Variants in GEMIN7 observed in about 807,000 individuals in gnomAD.
GEMIN7 encodes gem nuclear organelle associated protein 7.
GEMIN7 carries 7 observed loss-of-function variants against 7.8 expected under a neutral mutation model. The ratio of observed to expected loss-of-function variants is 0.90; its 90% CI spans 0.51 to 1.69. GEMIN7 has a LOEUF of 1.69. GEMIN7 is among the 40% of genes most tolerant of loss of function. The pLI, the probability that GEMIN7 is intolerant of heterozygous loss-of-function variation, is 0.00. For missense variants in GEMIN7, 159 were observed against 176.2 expected (o/e 0.90, Z 0.55); for synonymous variants, 68 against 72.4 (o/e 0.94, Z 0.31).
upstream of GEMIN7, among the ~76,000 whole-genome samples, chr19:45,078,610 A>G (rs567691293): frequency 2.6e-4 from 40 of 152,138 alleles, no homozygotes; most frequent in Non-Finnish European, 4.7e-4. Context: ...TATTCTTTCA[A>G]CAGATATTTG....
chr19:45,084,810 C>T (rs910322738), intron 2 of GEMIN7, among the ~76,000 whole-genome samples: 1 of 152,228 alleles, frequency 6.6e-6, no homozygotes, highest in African/African-American at 2.4e-5. Context: ...GGCTGGAGCG[C>T]AATGGCGCAG....
chr19:45,080,553 A>G (rs969608930), intron 2 of GEMIN7, among the ~76,000 whole-genome samples: 3 of 151,418 alleles, frequency 2.0e-5, no homozygotes, highest in Non-Finnish European at 4.4e-5. Flanking sequence ...TTTTTTTTGT[A>G]TTTTTAGTAG....
At chr19:45,090,022 C>A (rs903177254) in intron 2 of GEMIN7, 85 bp from the exon 3 acceptor site, 8 of 1,413,100 alleles carry the variant, frequency 5.7e-6, no homozygotes, top group Non-Finnish European at 6.8e-6. Flanking sequence ...GCCTGGTAGA[C>A]CAGCCTCTGC....
At position 45,090,289 on chromosome 19, in the gene GEMIN7, C is replaced by CGA. The variant is rs1568434444; in HGVS notation, c.177_178dup (p.Ala60GlufsTer20). 6.2e-7 allele frequency: 1 copy of CGA among 1,614,150 alleles called. No individual in the cohort carries two copies. The highest frequency in any genetic ancestry group is 8.5e-7 in the Non-Finnish European group (1 of 1,180,032). On this transcript the variant is annotated frameshift_variant, in exon 3 of 3. Transcript: ENST00000270257. LOFTEE classifies it high-confidence loss of function. ...CCTGGAATCCCAGGAGCAGCGGGCA[C>CGA]GAGCCGCCCTTCGGGAGCGTTACCT...
chr19:45,086,132 G>A (rs1015635194), intron 2 of GEMIN7, among the ~76,000 whole-genome samples: 2 of 151,602 alleles, frequency 1.3e-5, no homozygotes, highest in South Asian at 4.2e-4. Context: ...CTCCCAAAGT[G>A]CTGGTATTAC....
At chr19:45,081,857 A>G (rs1275481747) in intron 2 of GEMIN7, among the ~76,000 whole-genome samples, 3 of 152,042 alleles carry the variant, frequency 2.0e-5, no homozygotes, top group East Asian at 3.9e-4. Flanking sequence ...TCCTGACCTC[A>G]GGCGATCTAC....
In GEMIN7 at chr19:45,090,550, G is replaced by A; in HGVS notation, c.*40G>A. 1 of 1,560,198 alleles carries A rather than the reference G, an allele frequency of 6.4e-7. No individual in the cohort carries two copies. Among genetic ancestry groups the A allele is most frequent in the South Asian group, 1.2e-5 (1 of 84,602 alleles). ...CTTTTCTGCTTGAGGCTAAGGCACT[G>A]TATCCCAGGCCTCCCAATGTTCCCG... is the stretch of plus-strand genomic sequence containing the variant. On this transcript the variant is annotated 3_prime_UTR_variant, in exon 3 of 3. Coordinates refer to ENST00000270257, the MANE Select transcript of GEMIN7 (RefSeq NM_024707.3).
At chr19:45,090,035 C>A in intron 2 of GEMIN7, 72 bp from the exon 3 acceptor site, 1 of 1,476,934 alleles carries the variant, frequency 6.8e-7, no homozygotes, top group Non-Finnish European at 9.2e-7. Flanking sequence ...GCCTCTGCTT[C>A]CACTCCTCCC....
upstream of GEMIN7, chr19:45,075,878 G>C (rs111547453): frequency 1.2e-6 from 2 of 1,613,308 alleles, no homozygotes; most frequent in African/African-American, 1.3e-5. Flanking sequence ...GGGAGGAAGC[G>C]GGTGGTGAGC....
At chr19:45,080,406 C>G (rs1967459928) in intron 2 of GEMIN7, among the ~76,000 whole-genome samples, 1 of 148,568 alleles carries the variant, frequency 6.7e-6, no homozygotes, top group Non-Finnish European at 1.5e-5. Flanking sequence ...AACAGAGTCT[C>G]ACTCTGTGGC....
At chr19:45,076,308 G>A, upstream of GEMIN7, 1 of 1,433,114 alleles carries the variant, frequency 7.0e-7, no homozygotes, top group Non-Finnish European at 9.2e-7. This position sits in a 1 kb window ranked among gnomAD's most constrained non-coding sequence, Gnocchi z 4.9. Context: ...CCATCTCGTC[G>A]TCTGGGTTGG....
At chr19:45,075,830 G>T, upstream of GEMIN7, 1 of 1,614,156 alleles carries the variant, frequency 6.2e-7, no homozygotes, top group Admixed American at 1.7e-5. Flanking sequence ...CAGGTCAACA[G>T]ATCTGGGTGT....
At chr19:45,080,886 AGT>A (rs1187080931) in intron 2 of GEMIN7, among the ~76,000 whole-genome samples, 3 of 149,334 alleles carry the variant, frequency 2.0e-5, no homozygotes, top group East Asian at 3.9e-4. Context: ...TAAGTCATTT[AGT>A]AAGTACTCAC....
At chr19:45,081,730 G>A (rs968356889) in intron 2 of GEMIN7, among the ~76,000 whole-genome samples, 18 of 151,922 alleles carry the variant, frequency 1.2e-4, no homozygotes, top group African/African-American at 3.9e-4. Context: ...GGGTTCAAGC[G>A]ATTCTTCTGC....
At chr19:45,087,693 G>C (rs1448773571) in intron 2 of GEMIN7, among the ~76,000 whole-genome samples, 1 of 152,134 alleles carries the variant, frequency 6.6e-6, no homozygotes, top group Non-Finnish European at 1.5e-5. Flanking sequence ...GCAGGATCCA[G>C]AGCTAAGACA....
chr19:45,084,836 A>C (rs1248005894), intron 2 of GEMIN7, among the ~76,000 whole-genome samples: 1 of 152,170 alleles, frequency 6.6e-6, no homozygotes, highest in Non-Finnish European at 1.5e-5. Context: ...GCTCACCACA[A>C]CCTCTGCCTC....
At chr19:45,087,660 C>T (rs1200970445) in intron 2 of GEMIN7, among the ~76,000 whole-genome samples, 2 of 152,146 alleles carry the variant, frequency 1.3e-5, no homozygotes, top group Non-Finnish European at 2.9e-5. Context: ...GGAGAGCAAG[C>T]GTGGTACACC....
chr19:45,079,609 A>G (rs1313382098), intron 1 of GEMIN7, among the ~76,000 whole-genome samples: 2 of 152,196 alleles, frequency 1.3e-5, no homozygotes, highest in African/African-American at 4.8e-5. Flanking sequence ...GCTCAGTCTG[A>G]GCCTGGAGGT....
chr19:45,090,249 C>G lies in GEMIN7; in HGVS notation c.135C>G (p.Pro45=). 2 of 1,614,220 alleles carry G rather than the reference C, an allele frequency of 1.2e-6. No individual in the cohort carries two copies. The highest frequency in any genetic ancestry group is 4.5e-5 in the East Asian group (2 of 44,888). ...RPEVPEIQEC[P]IAQESLESQE... The stretch of plus-strand genomic sequence containing the variant: ...AGGTTCCTGAAATCCAGGAGTGTCC[C>G]ATAGCTCAAGAATCCCTGGAATCCC... Residue 45 remains proline (P), a synonymous_variant, in exon 3 of 3, where the codon CCC becomes CCG. Coordinates refer to ENST00000270257, the MANE Select transcript of GEMIN7 (RefSeq NM_024707.3).
Sources: allele counts gnomAD v4.1 joint callset (sites outside exome capture counted in the v4.1 genomes callset), GRCh38; gene constraint gnomAD v4.1.1; non-coding constraint Gnocchi (gnomAD v3.1); transcripts MANE v1.5; gene names NCBI Gene and HGNC (gene_info 2026-07-23, HGNC 2026-07-21).